ERBB4: variants seen among roughly 807,000 people sequenced by gnomAD.
ERBB4 encodes the protein receptor tyrosine-protein kinase erbB-4.
ERBB4 carries 42 observed loss-of-function variants against 158.0 expected under a neutral mutation model. The observed-to-expected ratio is 0.27, with a 90% CI of 0.21 to 0.34. The LOEUF is 0.34. ERBB4 is among the 10% of genes least tolerant of loss of function. The pLI is 1.00. For synonymous variants in ERBB4, 583 were observed against 558.7 expected, an observed-to-expected ratio of 1.04 and a Z score of -0.61; for missense variants, 1,333 against 1,624.1, an observed-to-expected ratio of 0.82 and a Z score of 3.08.
At chr2:212,242,843 A>T (rs1277296193) in intron 1 of ERBB4, among the ~76,000 whole-genome samples, 1 of 152,186 alleles carries the variant, frequency 6.6e-6, no homozygotes, top group Non-Finnish European at 1.5e-5. Context: ...ACCTAAGAGG[A>T]TATGGCAGCC....
intron 1 of ERBB4, among the ~76,000 whole-genome samples, chr2:212,440,163 G>C (rs2092223467): frequency 6.6e-6 from 1 of 152,208 alleles, no homozygotes; most frequent in African/African-American, 2.4e-5. Context: ...TTGGATTGAA[G>C]GATATAAAGT....
chr2:212,072,997 A>T (rs973666130), intron 2 of ERBB4, among the ~76,000 whole-genome samples: 2 of 151,978 alleles, frequency 1.3e-5, no homozygotes, highest in African/African-American at 2.4e-5. Context: ...TTGCTTGAGA[A>T]AACAGTGCCT....
intron 1 of ERBB4, among the ~76,000 whole-genome samples, chr2:212,240,984 G>T (rs1305656893): frequency 6.6e-6 from 1 of 152,032 alleles, no homozygotes; most frequent in African/African-American, 2.4e-5. Flanking sequence ...ATCTAACCAT[G>T]GAGAAAATTG....
At chr2:212,363,631 A>G (rs573050403) in intron 1 of ERBB4, among the ~76,000 whole-genome samples, 1 of 150,980 alleles carries the variant, frequency 6.6e-6, no homozygotes, top group South Asian at 2.1e-4. Flanking sequence ...CACCTAAGGC[A>G]CCTGTTTGTT....
At chr2:211,779,383 A>C (rs1369177133) in intron 4 of ERBB4, 1 of 152,216 alleles carries the variant, frequency 6.6e-6, no homozygotes, top group Non-Finnish European at 1.5e-5. Context: ...CAATAGGAGC[A>C]GTACTCGCCA....
chr2:212,139,045 A>T (rs1246358980), intron 1 of ERBB4, among the ~76,000 whole-genome samples: 1 of 152,104 alleles, frequency 6.6e-6, no homozygotes, highest in Non-Finnish European at 1.5e-5. Context: ...TTTCCCATAA[A>T]GTTTCACTAA....
chr2:211,623,030 TATATATATATATATAA>T (rs1253427395), intron 18 of ERBB4, among the ~76,000 whole-genome samples: 93 of 65,372 alleles, frequency 1.4e-3, no homozygotes, highest in African/African-American at 3.2e-3. Flanking sequence ...TATATATATA[TATATATATATATATAA>T]AATGCCAAAG....
Position 212,290,180 on chromosome 2 carries a change from T to C in ERBB4, c.83-165277A>G, listed in dbSNP as rs78258082. Among the ~76,000 whole-genome samples the C allele has an allele frequency of 8.9e-3, 1,353 of 152,278 alleles. 13 individuals are homozygous for C. Among genetic ancestry groups the C allele is most frequent in the African/African-American group, 0.031 (1,281 of 41,570 alleles). On this transcript the variant is annotated intron_variant, in intron 1 of 27. Coordinates refer to ENST00000342788, the MANE Select transcript of ERBB4 (RefSeq NM_005235.3). The stretch of plus-strand genomic sequence containing the variant: ...TACAGAAATCATACATGTAGTTTTA[T>C]ATTTTTTAAAGGCAAAGAGTGGGGA...
intron 2 of ERBB4, among the ~76,000 whole-genome samples, chr2:211,998,839 A>G (rs1368558118): frequency 6.6e-6 from 1 of 151,900 alleles, no homozygotes; most frequent in East Asian, 1.9e-4. Flanking sequence ...ACTGTGATGC[A>G]TTACAGAATA....
intron 12 of ERBB4, among the ~76,000 whole-genome samples, chr2:211,685,242 A>G (rs1176722777): frequency 3.3e-5 from 5 of 152,158 alleles, no homozygotes; most frequent in African/African-American, 1.2e-4. Context: ...TTTTTACCTC[A>G]AAATTTTATA....
At chr2:211,476,540 C>G (rs1353302708) in intron 20 of ERBB4, among the ~76,000 whole-genome samples, 1 of 148,326 alleles carries the variant, frequency 6.7e-6, no homozygotes, top group South Asian at 2.1e-4. Context: ...CTAAGTTTCT[C>G]TTTAAGAAAT....
At chr2:211,774,270 C>T (rs2075817062) in intron 4 of ERBB4, among the ~76,000 whole-genome samples, 1 of 152,004 alleles carries the variant, frequency 6.6e-6, no homozygotes, top group Admixed American at 6.6e-5. Flanking sequence ...CGGGGTTTCA[C>T]CATGTTGGCC....
chr2:211,619,283 G>T lies in ERBB4; in HGVS notation c.2203-8C>A. On this transcript the variant is annotated splice_region_variant and splice_polypyrimidine_tract_variant and intron_variant, in intron 18 of 27. Transcript: ENST00000342788. Reference sequence around the variant, plus strand: ...TTCAGGTACCCAAATACCCTTTGGGGAAAAAAATTTACATTAAATATGACA... The same window carrying T: ...TTCAGGTACCCAAATACCCTTTGGGTAAAAAAATTTACATTAAATATGACA... 2 of 1,528,846 alleles carry T rather than the reference G, an allele frequency of 1.3e-6. No homozygotes were observed. The highest frequency in any genetic ancestry group is 9.1e-7 in the Non-Finnish European group (1 of 1,103,022). 94.7% of individuals were successfully genotyped at this position (1,528,846 alleles called of 1,614,324 possible).
At chr2:212,511,030 C>G (rs1162969988) in intron 1 of ERBB4, among the ~76,000 whole-genome samples, 1 of 151,906 alleles carries the variant, frequency 6.6e-6, no homozygotes, top group African/African-American at 2.4e-5. Flanking sequence ...ATGACTAGGC[C>G]AATTTCTTAT....
At chr2:212,382,397 AT>A (rs1263537217) in intron 1 of ERBB4, among the ~76,000 whole-genome samples, 1 of 150,874 alleles carries the variant, frequency 6.6e-6, no homozygotes, top group African/African-American at 2.4e-5. Flanking sequence ...CTATGTAAAA[AT>A]GTGTGTATTT....
intron 2 of ERBB4, among the ~76,000 whole-genome samples, chr2:212,054,434 C>G (rs754622731): frequency 1.3e-4 from 20 of 152,060 alleles, no homozygotes; most frequent in Non-Finnish European, 2.4e-4. Context: ...GCTTAAGAAC[C>G]AAGATTGAGT....
intron 9 of ERBB4, among the ~76,000 whole-genome samples, chr2:211,709,489 T>C (rs1328760681): frequency 1.3e-5 from 2 of 151,944 alleles, no homozygotes; most frequent in Non-Finnish European, 2.9e-5. Context: ...TTTGGTGGTT[T>C]GCAATCTTTC....
intron 1 of ERBB4, among the ~76,000 whole-genome samples, chr2:212,334,242 T>C (rs2088322420): frequency 6.6e-6 from 1 of 152,048 alleles, no homozygotes; most frequent in Non-Finnish European, 1.5e-5. Context: ...TCCACTATTT[T>C]CCTTTAACTA....
chr2:211,786,386 A>G (rs544555505), intron 4 of ERBB4, among the ~76,000 whole-genome samples: 15 of 152,360 alleles, frequency 9.8e-5, no homozygotes, highest in South Asian at 6.2e-4. Flanking sequence ...TAAAACTACT[A>G]TGTAAATAAT....
Sources: allele counts gnomAD v4.1 joint callset (sites outside exome capture counted in the v4.1 genomes callset), GRCh38; gene constraint gnomAD v4.1.1; transcripts MANE v1.5; gene names NCBI Gene and HGNC (gene_info 2026-07-23, HGNC 2026-07-21).